The following UNC13B variants were observed in gnomAD, a reference collection of about 807,000 sequenced individuals.
The protein encoded by UNC13B is protein unc-13 homolog B.
In UNC13B, 144 loss-of-function variants were observed where a neutral mutation model predicts 211.0. The ratio of observed to expected loss-of-function variants is 0.68; its 90% CI spans 0.60 to 0.78. UNC13B has a LOEUF of 0.78. Among genes scored for constraint, UNC13B ranks in the 30% least tolerant of loss-of-function variants. The pLI is 0.00. For missense variants in UNC13B, 1,777 were observed against 2,002.0 expected, an observed-to-expected ratio of 0.89 and a Z score of 2.14; for synonymous variants, 709 against 725.8, an observed-to-expected ratio of 0.98 and a Z score of 0.37.
chr9:35,364,168 C>T lies in UNC13B; in HGVS notation c.9415-2779C>T, dbSNP rs563581797. On this transcript the variant is annotated intron_variant, in intron 11 of 39. Transcript: ENST00000635942. The stretch of plus-strand genomic sequence containing the variant: ...AGGAAGGAAATCACTCTGTGCTCAG[C>T]CAGCTTAGATAGTCTGTTGGAGTGG... Among the ~76,000 whole-genome samples, 7 of 130,730 alleles carry T rather than the reference C, an allele frequency of 5.4e-5. No individual in the cohort carries two copies. The South Asian group carries it at 1.1e-3, about 20-fold the overall frequency. 85.8% of individuals were successfully genotyped at this position (130,730 alleles called of 152,430 possible). A position where few individuals can be genotyped will look rare whatever the true frequency, so the allele number is the denominator to read the frequency against.
At chr9:35,189,250 T>C (rs1248657971) in intron 1 of UNC13B, among the ~76,000 whole-genome samples, 2 of 152,236 alleles carry the variant, frequency 1.3e-5, no homozygotes, top group African/African-American at 2.4e-5. Context: ...CTGTTAACTC[T>C]TAGCAACTTT....
At chr9:35,370,883 T>G (rs147384539) in intron 13 of UNC13B, among the ~76,000 whole-genome samples, 135 of 152,330 alleles carry the variant, frequency 8.9e-4, no homozygotes, top group African/African-American at 3.1e-3. Flanking sequence ...GAGGCAATGA[T>G]AAAAATTTGT....
In UNC13B at chr9:35,389,861, C is replaced by G. The variant is rs1835419419; in HGVS notation, c.11110C>G (p.Pro3704Ala). 2.5e-6 allele frequency: 4 copies of G among 1,614,114 alleles called. No individual in the cohort carries two copies. Among genetic ancestry groups the G allele is most frequent in the African/African-American group, 1.3e-5 (1 of 75,040 alleles). ...RQYQLKQELP[P>A]EEQGPSIRNL... The stretch of plus-strand genomic sequence containing the variant: ...CTGGATCAAGAAGCAGGAGCTACCT[C>G]CAGAGGAACAAGGGCCCAGCATTCG... Residue 3704 changes from proline to alanine, a missense_variant, in exon 25 of 40, where the codon CCA becomes GCA. Pro to Ala is a conservative substitution (Grantham distance 27). Coordinates refer to ENST00000635942, the MANE Select transcript of UNC13B (RefSeq NM_001371189.2).
intron 11 of UNC13B, among the ~76,000 whole-genome samples, chr9:35,342,510 G>A (rs1832066701): frequency 6.6e-6 from 1 of 152,100 alleles, no homozygotes; most frequent in African/African-American, 2.4e-5. Flanking sequence ...TGCCGCACTG[G>A]GGTAGAATCT....
At chr9:35,189,502 A>G (rs1261856632) in intron 1 of UNC13B, among the ~76,000 whole-genome samples, 1 of 152,204 alleles carries the variant, frequency 6.6e-6, no homozygotes, top group Non-Finnish European at 1.5e-5. Context: ...CCAATTCTTC[A>G]GACTATTTTT....
At chr9:35,338,536 G>A (rs1351673009) in intron 11 of UNC13B, among the ~76,000 whole-genome samples, 6 of 152,128 alleles carry the variant, frequency 3.9e-5, no homozygotes, top group Non-Finnish European at 7.4e-5. Context: ...TGTAGGGAGG[G>A]CATCATTCTA....
At chr9:35,370,112 G>A (rs140517459) in intron 12 of UNC13B, among the ~76,000 whole-genome samples, 1 of 152,248 alleles carries the variant, frequency 6.6e-6, no homozygotes, top group East Asian at 1.9e-4. Flanking sequence ...GACACTGAGG[G>A]GTCCTGTGAG....
rs995890927 is a variant in UNC13B at position 35,378,393 on chromosome 9, A to G, written c.10162A>G (p.Ile3388Val). 8 of 1,613,976 alleles carry G rather than the reference A, an allele frequency of 5.0e-6. No homozygotes were observed. In the African/African-American group the frequency reaches 6.7e-5, roughly 13 times the overall value. ...VSKTKKRTKT[I>V]FGNLNPVWEE... ...CAAAACTAAGAAGCGTACCAAGACCATTTTTGGAAACTTGAATCCTGTTTG... is the reference window on the plus strand; with the variant it reads ...CAAAACTAAGAAGCGTACCAAGACCGTTTTTGGAAACTTGAATCCTGTTTG... Residue 3388 changes from isoleucine to valine, a missense_variant, in exon 17 of 40, where the codon ATT (isoleucine) becomes GTT (valine). Transcript: ENST00000635942.
chr9:35,278,983 T>C (rs1828332496), intron 7 of UNC13B, among the ~76,000 whole-genome samples: 1 of 152,188 alleles, frequency 6.6e-6, no homozygotes, highest in Non-Finnish European at 1.5e-5. Context: ...CTTTTTATCA[T>C]ATAATATGTA....
chr9:35,232,410 G>A lies in UNC13B; in HGVS notation c.152+1191G>A, dbSNP rs757802783. On this transcript the variant is annotated intron_variant, in intron 3 of 39. Transcript: ENST00000635942. ...TTGCCCAGGCTGATCTCAAACTCCTGGGCTCAAGCAATCTTCCCGCCTTGG... is the reference window on the plus strand; with the variant it reads ...TTGCCCAGGCTGATCTCAAACTCCTAGGCTCAAGCAATCTTCCCGCCTTGG... 9.8e-4 allele frequency among the ~76,000 whole-genome samples: 148 copies of A among 151,700 alleles called. 1 individual carries two copies. Among genetic ancestry groups the A allele is most frequent in the Middle Eastern group, 6.8e-3 (2 of 294 alleles).
chr9:35,323,380 C>T (rs890332816), intron 11 of UNC13B, among the ~76,000 whole-genome samples: 4 of 152,094 alleles, frequency 2.6e-5, no homozygotes, highest in Non-Finnish European at 4.4e-5. Flanking sequence ...ATTGATGGAT[C>T]TTTAGGTTGT....
At position 35,403,763 on chromosome 9, in the gene UNC13B, G is replaced by T; in HGVS notation, c.12753G>T (p.Glu4251Asp). 6.2e-7 allele frequency: 1 copy of T among 1,614,062 alleles called. No homozygotes were observed. The highest frequency in any genetic ancestry group is 1.1e-5 in the South Asian group (1 of 91,072). The change falls in exon 40 of 40, where the codon GAG (glutamate) becomes GAT (aspartate). Residue 4251 changes from glutamate (E) to aspartate (D), a missense_variant. Physicochemically the swap from Glu to Asp is conservative, Grantham distance 45. Coordinates refer to ENST00000635942, the MANE Select transcript of UNC13B (RefSeq NM_001371189.2). ...NETFHFLLGN[E>D]EGPESYELQI... ...GTGCTCACAGCCTCCTGGGAAATGA[G>T]GAGGGGCCCGAGTCCTATGAGTTGC...
chr9:35,387,181 CTT>C (rs1285711711), intron 24 of UNC13B, among the ~76,000 whole-genome samples: 5 of 152,180 alleles, frequency 3.3e-5, no homozygotes, highest in Non-Finnish European at 7.4e-5. Context: ...GAGGAAGAGT[CTT>C]TTCGCACTCT....
At chr9:35,351,599 G>A (rs1832722944) in intron 11 of UNC13B, 3 of 1,232,278 alleles carry the variant, frequency 2.4e-6, no homozygotes, top group Non-Finnish European at 2.0e-6. Context: ...GCTTTCCCCA[G>A]ATAAGGCTAA....
At chr9:35,210,384 G>T (rs937055918) in intron 1 of UNC13B, among the ~76,000 whole-genome samples, 8 of 152,154 alleles carry the variant, frequency 5.3e-5, no homozygotes, top group African/African-American at 1.9e-4. Context: ...AAGCTGATGG[G>T]TACTACAGTT....
chr9:35,250,570 A>G (rs1279999344), intron 6 of UNC13B, among the ~76,000 whole-genome samples: 1 of 152,232 alleles, frequency 6.6e-6, no homozygotes, highest in Non-Finnish European at 1.5e-5. Context: ...GTTGATGGAC[A>G]GTTGGGTTGT....
intron 27 of UNC13B, 70 bp downstream of exon 27, chr9:35,396,672 C>G: frequency 6.2e-7 from 1 of 1,604,176 alleles, no homozygotes; most frequent in Non-Finnish European, 8.5e-7. Flanking sequence ...ATCCCCAATT[C>G]ATTTCAGCAA....
At position 35,319,954 on chromosome 9, in the gene UNC13B, T is replaced by G. The variant is rs538125024; in HGVS notation, c.9414+5965T>G. Among the ~76,000 whole-genome samples the G allele has an allele frequency of 7.2e-5, 11 of 152,296 alleles. No homozygotes were observed. The South Asian group carries it at 2.3e-3, about 32-fold the overall frequency. ...GGGATTACAGGCATGATTATAGGCC[T>G]GGCCCCTAGCTCCCATTTATAAATG... is the stretch of plus-strand genomic sequence containing the variant. On this transcript the variant is annotated intron_variant, in intron 11 of 39. Transcript: ENST00000635942.
chr9:35,318,777 C>T (rs1830590004), intron 11 of UNC13B, among the ~76,000 whole-genome samples: 1 of 152,134 alleles, frequency 6.6e-6, no homozygotes, highest in South Asian at 2.1e-4. Flanking sequence ...TGCAGGTATA[C>T]CAAGGGGATA....
Sources: gnomAD v4.1 joint callset for allele counts (sites outside exome capture counted in the v4.1 genomes callset) on GRCh38, gnomAD v4.1.1 for gene constraint, MANE v1.5 for transcripts, NCBI Gene and HGNC (gene_info 2026-07-23, HGNC 2026-07-21) for gene names.